Variants in RIMBP2 observed in about 807,000 individuals in gnomAD.
The protein encoded by RIMBP2 is RIMS binding protein 2.
In RIMBP2, 48 loss-of-function variants were observed where a neutral mutation model predicts 118.6. That is an observed-to-expected ratio of 0.40 (90% confidence interval 0.32 to 0.51). The LOEUF (loss-of-function observed/expected upper bound fraction) is 0.51, where lower values mean the gene tolerates loss of function less well. Among genes scored for constraint, RIMBP2 ranks in the 20% least tolerant of loss-of-function variants. The probability of loss-of-function intolerance (pLI) is 0.41; values close to 1 mark genes in which losing one functional copy is unlikely to be tolerated. For synonymous variants in RIMBP2, 762 were observed against 742.9 expected (o/e 1.03, Z -0.42); for missense variants, 1,551 against 1,768.3 (o/e 0.88, Z 2.20).
intron 1 of RIMBP2, among the ~76,000 whole-genome samples, chr12:130,641,760 C>G (rs991435690): frequency 6.6e-6 from 1 of 152,100 alleles, no homozygotes; most frequent in Non-Finnish European, 1.5e-5. Context: ...ACCTCATGCC[C>G]CTTATGCTTG....
chr12:130,424,124 GA>G lies in RIMBP2; in HGVS notation c.3129+17del. 2 of 1,200,432 alleles carry G rather than the reference GA, an allele frequency of 1.7e-6. No individual in the cohort carries two copies. Among genetic ancestry groups the G allele is most frequent in the Middle Eastern group, 3.2e-4 (1 of 3,124 alleles). The allele number at this position is 1,200,432 out of a possible 1,614,324, so 74.4% of individuals were successfully genotyped here. Reference sequence around the variant, plus strand: ...TGGTTTGGCAAGCGGCTGTGAAAAGGAAGTTTAGGTCACACACCAGGGGGCC... The same window carrying G: ...TGGTTTGGCAAGCGGCTGTGAAAAGGAGTTTAGGTCACACACCAGGGGGCC... On this transcript the variant is annotated intron_variant, in intron 16 of 22. Coordinates refer to ENST00000690449, the MANE Select transcript of RIMBP2 (RefSeq NM_001393629.1). This position sits in a 1 kb window ranked among gnomAD's most constrained non-coding sequence, Gnocchi z 9.8.
rs542609231 is a variant in RIMBP2, at chr12:130,701,261, CT to C, written c.-352+14960del. ...CGGGGCCCTCACGCTGTAAGCCCCC[CT>C]AACACAGCGGGGTGGACAGCTTTGC... is the stretch of plus-strand genomic sequence containing the variant. On this transcript the variant is annotated intron_variant, in intron 1 of 22. Transcript: ENST00000690449. Among the ~76,000 whole-genome samples, 6 of 152,300 alleles carry C rather than the reference CT, an allele frequency of 3.9e-5. No individual in the cohort carries two copies. In the South Asian group the frequency reaches 1.0e-3, roughly 26 times the overall value.
At position 130,584,247 on chromosome 12, in the gene RIMBP2, CA is replaced by C. The variant is rs1332861501; in HGVS notation, c.-217+44074del. The stretch of plus-strand genomic sequence containing the variant: ...ACCATCACTTCACCACCACCATCAC[CA>C]TCACCTCACCACCATCACCACCATC... On this transcript the variant is annotated intron_variant, in intron 2 of 22. Coordinates refer to ENST00000690449, the MANE Select transcript of RIMBP2 (RefSeq NM_001393629.1). 2.7e-4 allele frequency among the ~76,000 whole-genome samples: 27 copies of C among 99,522 alleles called. 1 individual carries two copies. Among genetic ancestry groups the C allele is most frequent in the South Asian group, 3.8e-4 (1 of 2,610 alleles). 65.3% of individuals were successfully genotyped at this position (99,522 alleles called of 152,430 possible). A position where few individuals can be genotyped will look rare whatever the true frequency, so the allele number is the denominator to read the frequency against.
intron 2 of RIMBP2, among the ~76,000 whole-genome samples, chr12:130,563,948 T>G (rs901587602): frequency 1.5e-5 from 2 of 136,920 alleles, no homozygotes; most frequent in Non-Finnish European, 3.1e-5. Context: ...CTTCCCAGCC[T>G]CCTCTGCTGC....
Position 130,397,550 on chromosome 12 carries a change from C to T in RIMBP2, c.3901-1G>A. 1 of 398,964 alleles carries T rather than the reference C, an allele frequency of 2.5e-6. No individual in the cohort carries two copies. The allele number at this position is 398,964 out of a possible 1,614,324, so 24.7% of individuals were successfully genotyped here. A position where few individuals can be genotyped will look rare whatever the true frequency, so the allele number is the denominator to read the frequency against. ...CTGTACCTGAACCCTCAGGAGGAAC[C>T]TAGTAGGTACAGTGTTACAGTTTAT... On this transcript the variant is annotated splice_acceptor_variant, in intron 22 of 22. Transcript: ENST00000690449. LOFTEE classifies it high-confidence loss of function.
At chr12:130,405,953 T>A (rs2075131956) in intron 21 of RIMBP2, among the ~76,000 whole-genome samples, 1 of 152,186 alleles carries the variant, frequency 6.6e-6, no homozygotes, top group African/African-American at 2.4e-5. Flanking sequence ...AAAACACTAG[T>A]ATTAGCAAGG....
At chr12:130,613,426 C>G (rs373721841) in intron 2 of RIMBP2, among the ~76,000 whole-genome samples, 1 of 152,192 alleles carries the variant, frequency 6.6e-6, no homozygotes, top group African/African-American at 2.4e-5. Context: ...CCCAGCCCCC[C>G]ACCCCGCAGG....
intron 12 of RIMBP2, 111 bp from the exon 13 acceptor site, chr12:130,437,402 A>G: frequency 1.1e-6 from 1 of 893,580 alleles, no homozygotes; most frequent in Non-Finnish European, 1.7e-6. Flanking sequence ...GATCATGCCC[A>G]GCGACCTCCG....
intron 1 of RIMBP2, among the ~76,000 whole-genome samples, chr12:130,649,916 T>C (rs756796081): frequency 1.1e-4 from 16 of 151,658 alleles, no homozygotes; most frequent in Non-Finnish European, 1.6e-4. Flanking sequence ...CTTCAACCCA[T>C]AGGCTCAGGA....
At chr12:130,481,956 G>C (rs11060935) in intron 4 of RIMBP2, among the ~76,000 whole-genome samples, 1 of 133,026 alleles carries the variant, frequency 7.5e-6, no homozygotes, top group Admixed American at 7.4e-5. Context: ...ACCACCCACC[G>C]CCCACCACCA....
intron 2 of RIMBP2, among the ~76,000 whole-genome samples, chr12:130,563,889 T>C (rs1257791175): frequency 6.6e-6 from 1 of 152,212 alleles, no homozygotes. Flanking sequence ...TTCAATTATA[T>C]ACAAAAGCCA....
At chr12:130,522,829 G>C (rs1423677797) in intron 2 of RIMBP2, among the ~76,000 whole-genome samples, 1 of 152,128 alleles carries the variant, frequency 6.6e-6, no homozygotes, top group Non-Finnish European at 1.5e-5. Context: ...CTAGCCCCCA[G>C]GGTGACTCTA....
intron 1 of RIMBP2, among the ~76,000 whole-genome samples, chr12:130,698,738 A>G (rs2065692213): frequency 6.6e-6 from 1 of 152,164 alleles, no homozygotes. Context: ...ATGGGATCTA[A>G]TTAAACTAAA....
chr12:130,673,567 T>G (rs10773808), intron 1 of RIMBP2, among the ~76,000 whole-genome samples: 1 of 152,138 alleles, frequency 6.6e-6, no homozygotes, highest in East Asian at 1.9e-4. Flanking sequence ...GCGTGCCACT[T>G]GTGGGTCAAG....
At chr12:130,680,888 T>G (rs2064751760) in intron 1 of RIMBP2, among the ~76,000 whole-genome samples, 2 of 152,200 alleles carry the variant, frequency 1.3e-5, no homozygotes, top group African/African-American at 4.8e-5. Flanking sequence ...GGGATTTTGT[T>G]GTGTGATAGA....
chr12:130,680,696 G>T (rs1441356017), intron 1 of RIMBP2, among the ~76,000 whole-genome samples: 1 of 152,180 alleles, frequency 6.6e-6, no homozygotes, highest in Non-Finnish European at 1.5e-5. Flanking sequence ...GGCCAGGGCT[G>T]TTCCCACCAT....
At chr12:130,508,498 A>G (rs1593578422) in intron 3 of RIMBP2, among the ~76,000 whole-genome samples, 1 of 151,040 alleles carries the variant, frequency 6.6e-6, no homozygotes, top group Admixed American at 6.6e-5. Context: ...GCAGATCTCT[A>G]CCCGGCCCTG....
chr12:130,501,201 T>G (rs1238386655), intron 4 of RIMBP2, among the ~76,000 whole-genome samples: 1 of 152,136 alleles, frequency 6.6e-6, no homozygotes, highest in East Asian at 1.9e-4. Context: ...CCCGAGCCTG[T>G]GCACTTCTCC....
At chr12:130,664,415 A>ACGCACGCACACGCACGCACACACGCACG (rs1195044326) in intron 1 of RIMBP2, among the ~76,000 whole-genome samples, 5 of 130,496 alleles carry the variant, frequency 3.8e-5, no homozygotes, top group Non-Finnish European at 8.4e-5. Context: ...ACGCACGCAC[A>ACGCACGCACACGCACGCACACACGCACG]CACACGCACA....
Sources: allele counts gnomAD v4.1 joint callset (sites outside exome capture counted in the v4.1 genomes callset), GRCh38; gene constraint gnomAD v4.1.1; non-coding constraint Gnocchi (gnomAD v3.1); transcripts MANE v1.5; gene names NCBI Gene and HGNC (gene_info 2026-07-23, HGNC 2026-07-21).